NOP58: variants seen among roughly 807,000 people sequenced by gnomAD.
The protein encoded by NOP58 is nucleolar protein 58.
A neutral mutation model predicts 71.2 loss-of-function variants in NOP58; 44 were observed. The observed-to-expected ratio is 0.62, with a 90% confidence interval of 0.49 to 0.79. NOP58 has a LOEUF of 0.79. NOP58 is among the 30% of genes least tolerant of loss of function. NOP58 has a pLI of 0.00. For missense variants in NOP58, 538 were observed against 620.2 expected, an observed-to-expected ratio of 0.87 and a Z score of 1.41; for synonymous variants, 228 against 200.3, an observed-to-expected ratio of 1.14 and a Z score of -1.17.
intron 5 of NOP58, among the ~76,000 whole-genome samples, chr2:202,286,088 A>C (rs1304279426): frequency 6.7e-6 from 1 of 149,660 alleles, no homozygotes; most frequent in Non-Finnish European, 1.5e-5. Flanking sequence ...AGGCTGAGGC[A>C]GGAGAATGGC....
At chr2:202,303,292 AC>A in intron 14 of NOP58, 93 bp from the exon 15 acceptor site, 3 of 1,553,278 alleles carry the variant, frequency 1.9e-6, no homozygotes, top group Non-Finnish European at 2.6e-6. Context: ...GCTCAAGCTT[AC>A]TTTTTTTATA....
At chr2:202,292,405 C>T (rs1490325472) in intron 8 of NOP58, among the ~76,000 whole-genome samples, 1 of 151,808 alleles carries the variant, frequency 6.6e-6, no homozygotes, top group Non-Finnish European at 1.5e-5. Flanking sequence ...TTATAGAAAA[C>T]TGATGTTAGG....
chr2:202,265,791 G>A lies in NOP58; in HGVS notation c.-151G>A, dbSNP rs915737290. ...GTTCCAGTACAGCGTGGAGGGTTTA[G>A]GCAGCGTGTTCTGATTCTTTGCGGG... is the stretch of plus-strand genomic sequence containing the variant. On this transcript the variant is annotated 5_prime_UTR_variant, in exon 1 of 15. Transcript: ENST00000264279. The A allele has an allele frequency of 1.6e-5, 12 of 769,840 alleles. No homozygotes were observed. The African/African-American group carries it at 1.7e-4, about 11-fold the overall frequency. The allele number at this position is 769,840 out of a possible 1,614,324, so 47.7% of individuals were successfully genotyped here.
intron 1 of NOP58, among the ~76,000 whole-genome samples, chr2:202,268,804 T>A (rs1323872148): frequency 1.3e-5 from 2 of 151,336 alleles, no homozygotes; most frequent in Non-Finnish European, 2.9e-5. Context: ...AGTGACAGGG[T>A]TTCTCCATGT....
chr2:202,279,735 A>C (rs1181238506), intron 3 of NOP58, among the ~76,000 whole-genome samples: 1 of 152,238 alleles, frequency 6.6e-6, no homozygotes, highest in African/African-American at 2.4e-5. Flanking sequence ...CAGAGATAGC[A>C]CTGAGCCAAG....
chr2:202,283,962 T>G (rs1327091066), intron 4 of NOP58, among the ~76,000 whole-genome samples: 2 of 152,170 alleles, frequency 1.3e-5, no homozygotes, highest in Admixed American at 1.3e-4. Flanking sequence ...TGCGTATATT[T>G]AAATTAGTGC....
chr2:202,266,891 T>C (rs908791615), intron 1 of NOP58, among the ~76,000 whole-genome samples: 8 of 152,214 alleles, frequency 5.3e-5, no homozygotes, highest in African/African-American at 1.9e-4. Flanking sequence ...ATTTCCGGTT[T>C]GGGCTGTGCG....
In NOP58 at chr2:202,296,717, TTTTGTTTGTTTG is replaced by T. The variant is rs144056381; in HGVS notation, c.1072-642_1072-631del. Among the ~76,000 whole-genome samples, 18 of 149,194 alleles carry T rather than the reference TTTTGTTTGTTTG, an allele frequency of 1.2e-4. No homozygotes were observed. In the South Asian group the frequency reaches 1.3e-3, roughly 11 times the overall value. On this transcript the variant is annotated intron_variant, in intron 10 of 14. Coordinates refer to ENST00000264279, the MANE Select transcript of NOP58 (RefSeq NM_015934.5). ...AGATTGAAAAAGAACCCACGCTTTT[TTTTGTTTGTTTG>T]TTTGTTTGTTTGTTTGTTTTTTGAG...
chr2:202,271,574 TA>T (rs951242249), intron 1 of NOP58, among the ~76,000 whole-genome samples: 47 of 137,666 alleles, frequency 3.4e-4, no homozygotes, highest in Middle Eastern at 7.4e-3. Context: ...GTCTCAAAAA[TA>T]AAAAAAAAAA....
chr2:202,284,694 C>T (rs1688761623), intron 5 of NOP58: 2 of 479,114 alleles, frequency 4.2e-6, no homozygotes, highest in African/African-American at 4.0e-5. Flanking sequence ...GGCAGTCTGG[C>T]TCTATTGTCT....
chr2:202,279,691 G>A (rs1450481882), intron 3 of NOP58, among the ~76,000 whole-genome samples: 1 of 152,208 alleles, frequency 6.6e-6, no homozygotes, highest in Admixed American at 6.6e-5. Context: ...CTACTCGGGA[G>A]GCTGAGGCAG....
chr2:202,279,272 A>G (rs961480265), intron 3 of NOP58, among the ~76,000 whole-genome samples: 7 of 152,170 alleles, frequency 4.6e-5, no homozygotes, highest in Non-Finnish European at 1.0e-4. Context: ...ATTAAACTGT[A>G]TTAAATGGAC....
chr2:202,275,309 A>G, intron 2 of NOP58, 120 bp downstream of exon 2: 4 of 605,608 alleles, frequency 6.6e-6, no homozygotes, highest in Admixed American at 3.3e-5. Flanking sequence ...AATCTGTTTC[A>G]GGAATAATTT....
At chr2:202,290,101 G>A (rs1215370804) in intron 6 of NOP58, among the ~76,000 whole-genome samples, 8 of 152,018 alleles carry the variant, frequency 5.3e-5, no homozygotes, top group African/African-American at 1.9e-4. Flanking sequence ...GACTACAGGT[G>A]TGCACCACCA....
chr2:202,277,905 C>A, intron 2 of NOP58, 45 bp from the exon 3 acceptor site: 1 of 997,680 alleles, frequency 1.0e-6, no homozygotes. Flanking sequence ...TGAATCAACG[C>A]ACTGCCCCCA....
intron 9 of NOP58, among the ~76,000 whole-genome samples, chr2:202,294,958 C>CT (rs1291370387): frequency 6.9e-6 from 1 of 145,982 alleles, no homozygotes. Context: ...GAGCGAAACT[C>CT]TATCTCAAAA....
chr2:202,301,429 C>G (rs1191338025), intron 13 of NOP58, among the ~76,000 whole-genome samples: 1 of 151,922 alleles, frequency 6.6e-6, no homozygotes, highest in African/African-American at 2.4e-5. Flanking sequence ...GTGATCCACC[C>G]ACTCCGGCCT....
At chr2:202,293,820 G>A (rs941892846) in intron 9 of NOP58, among the ~76,000 whole-genome samples, 10 of 151,784 alleles carry the variant, frequency 6.6e-5, no homozygotes, top group African/African-American at 2.2e-4. Flanking sequence ...GGTGATCTGC[G>A]CACCTCAGCC....
At chr2:202,278,467 CAT>C (rs1205639043) in intron 3 of NOP58, 4 of 340,428 alleles carry the variant, frequency 1.2e-5, no homozygotes, top group South Asian at 2.3e-5. Context: ...TTCAAAAAAA[CAT>C]ATCAATATTC....
Sources: gnomAD v4.1 joint callset for allele counts (sites outside exome capture counted in the v4.1 genomes callset) on GRCh38, gnomAD v4.1.1 for gene constraint, MANE v1.5 for transcripts, NCBI Gene and HGNC (gene_info 2026-07-23, HGNC 2026-07-21) for gene names.